Variants in ADCY8 observed in about 807,000 individuals in gnomAD.
The protein encoded by ADCY8 is adenylate cyclase type 8.
A neutral mutation model predicts 119.7 loss-of-function variants in ADCY8; 51 were observed. The observed-to-expected ratio is 0.43, with a 90% CI of 0.34 to 0.54. The LOEUF is 0.54. Among genes scored for constraint, ADCY8 ranks in the 20% least tolerant of loss-of-function variants. ADCY8 has a pLI of 0.03. For missense variants in ADCY8, 1,383 were observed against 1,598.8 expected (o/e 0.87, Z 2.30); for synonymous variants, 665 against 651.0 (o/e 1.02, Z -0.33).
At chr8:130,953,125 C>A (rs531494822) in intron 2 of ADCY8, among the ~76,000 whole-genome samples, 2 of 152,022 alleles carry the variant, frequency 1.3e-5, no homozygotes, top group African/African-American at 4.8e-5. Flanking sequence ...TACTTGGTTA[C>A]GTGGTTTACT....
At chr8:130,955,184 G>A (rs2130668008) in intron 2 of ADCY8, among the ~76,000 whole-genome samples, 1 of 152,308 alleles carries the variant, frequency 6.6e-6, no homozygotes, top group South Asian at 2.1e-4. Flanking sequence ...TTACTTCAGA[G>A]CTACCATCTA....
chr8:130,821,154 A>C (rs570378149), intron 13 of ADCY8, among the ~76,000 whole-genome samples, 188 bp downstream of exon 13: 42 of 152,358 alleles, frequency 2.8e-4, no homozygotes, highest in African/African-American at 9.9e-4. Flanking sequence ...CATTAAAACC[A>C]CATTGTTTAC....
intron 1 of ADCY8, among the ~76,000 whole-genome samples, chr8:131,032,587 C>T (rs1424610745): frequency 6.6e-6 from 1 of 151,978 alleles, no homozygotes; most frequent in Non-Finnish European, 1.5e-5. Flanking sequence ...CCAGAATGTG[C>T]CTGGGCCTCC....
At chr8:130,975,010 T>C (rs1238962054) in intron 2 of ADCY8, among the ~76,000 whole-genome samples, 1 of 152,124 alleles carries the variant, frequency 6.6e-6, no homozygotes, top group East Asian at 1.9e-4. Flanking sequence ...CCTATGCCCT[T>C]TATAATAAAT....
intron 2 of ADCY8, among the ~76,000 whole-genome samples, chr8:130,953,260 T>C (rs1247931708): frequency 6.6e-6 from 1 of 152,082 alleles, no homozygotes; most frequent in Non-Finnish European, 1.5e-5. Flanking sequence ...AGATAAAATT[T>C]TTCTTGGTCT....
chr8:130,977,318 C>T (rs927545758), intron 2 of ADCY8, among the ~76,000 whole-genome samples: 1 of 152,206 alleles, frequency 6.6e-6, no homozygotes, highest in East Asian at 1.9e-4. Context: ...CAGAAAATAT[C>T]AGAATCAACA....
intron 15 of ADCY8, among the ~76,000 whole-genome samples, chr8:130,788,550 A>T (rs1363304175): frequency 6.6e-6 from 1 of 152,126 alleles, no homozygotes; most frequent in Admixed American, 6.6e-5. Flanking sequence ...GAGGAATAAG[A>T]TCTGTTCTAT....
chr8:130,875,110 T>C (rs1818512583), intron 8 of ADCY8, among the ~76,000 whole-genome samples: 1 of 152,092 alleles, frequency 6.6e-6, no homozygotes, highest in African/African-American at 2.4e-5. Flanking sequence ...GATTAAAAAA[T>C]ACACACGAAA....
rs1037191805 is a variant in ADCY8 at position 130,800,949 on chromosome 8, G to A, written c.2914-377C>T. ...AAATCTTTGGGGCCTTTTAAAATGA[G>A]GGCACTAATCCCATCCAGTAGGGGT... On this transcript the variant is annotated intron_variant, in intron 14 of 17. Coordinates refer to ENST00000286355, the MANE Select transcript of ADCY8 (RefSeq NM_001115.3). Among the ~76,000 whole-genome samples the A allele has an allele frequency of 3.3e-5, 5 of 152,112 alleles. No homozygotes were observed. In the East Asian group the frequency reaches 9.6e-4, roughly 29 times the overall value.
intron 4 of ADCY8, among the ~76,000 whole-genome samples, chr8:130,940,253 C>T (rs562723392): frequency 3.0e-4 from 45 of 152,310 alleles, no homozygotes; most frequent in African/African-American, 1.1e-3. Flanking sequence ...GGGCTCCATG[C>T]TCTCTCTTGG....
intron 15 of ADCY8, among the ~76,000 whole-genome samples, chr8:130,787,411 A>G (rs1342622915): frequency 6.6e-6 from 1 of 152,210 alleles, no homozygotes; most frequent in African/African-American, 2.4e-5. Context: ...AACATTTGCT[A>G]GTCCCAGATG....
At chr8:130,956,839 T>C (rs1821443006) in intron 2 of ADCY8, among the ~76,000 whole-genome samples, 1 of 152,224 alleles carries the variant, frequency 6.6e-6, no homozygotes, top group South Asian at 2.1e-4. Context: ...CTTTGCCTGC[T>C]GCCATTCATG....
At chr8:130,894,982 C>G (rs1192673334) in intron 7 of ADCY8, among the ~76,000 whole-genome samples, 1 of 152,116 alleles carries the variant, frequency 6.6e-6, no homozygotes, top group East Asian at 1.9e-4. Context: ...TGAGAGCAAT[C>G]CTGGTGTAGC....
At position 131,039,527 on chromosome 8, in the gene ADCY8, G is replaced by T; in HGVS notation, c.807C>A (p.Asp269Glu). 1 of 1,613,846 alleles carries T rather than the reference G, an allele frequency of 6.2e-7. No individual in the cohort carries two copies. Among genetic ancestry groups the T allele is most frequent in the Admixed American group, 1.7e-5 (1 of 60,024 alleles). Residue 269 changes from aspartate (D) to glutamate (E), a missense_variant, in exon 1 of 18, where the codon GAC (aspartate) becomes GAA (glutamate). Transcript: ENST00000286355. The part of the protein sequence containing the change: ...AAGLGYGLLG[D>E]GIGYVLFTLF... The stretch of plus-strand genomic sequence containing the variant: ...GCGTGAAGAGCACGTAGCCTATGCC[G>T]TCGCCCAGGAGCCCGTAGCCGAGGC...
intron 2 of ADCY8, among the ~76,000 whole-genome samples, chr8:130,975,275 C>A (rs905207682): frequency 6.6e-6 from 1 of 152,204 alleles, no homozygotes; most frequent in Non-Finnish European, 1.5e-5. Context: ...CACCACATAT[C>A]TCTCTACCAT....
At position 130,990,485 on chromosome 8, in the gene ADCY8, A is replaced by G; in HGVS notation, c.1018T>C (p.Tyr340His). The change falls in exon 2 of 18, where the codon TAC becomes CAC. Residue 340 changes from tyrosine (Y) to histidine (H), a missense_variant. This residue lies in a region of ADCY8 where 928 missense variants were observed against 1,163.5 expected (regional missense o/e 0.80). Transcript: ENST00000286355. ...TGGCGCTGGGCCCGGTCTGACAGGT[A>G]ACTGATGAAGATTCCAGCTGTGTTC... is the stretch of plus-strand genomic sequence containing the variant. The part of the protein sequence containing the change: ...CMNTAGIFIS[Y>H]LSDRAQRQAF... The G allele has an allele frequency of 6.2e-7, 1 of 1,614,202 alleles. No homozygotes were observed. The highest frequency in any genetic ancestry group is 1.3e-5 in the African/African-American group (1 of 75,070).
chr8:130,785,260 T>C, intron 16 of ADCY8, 123 bp downstream of exon 16: 1 of 598,830 alleles, frequency 1.7e-6, no homozygotes, highest in Non-Finnish European at 2.8e-6. Context: ...TATAATCCAG[T>C]CCATTAGATT....
At chr8:130,836,218 C>T (rs992033961) in intron 12 of ADCY8, 59 bp downstream of exon 12, 26 of 1,520,486 alleles carry the variant, frequency 1.7e-5, no homozygotes, top group Admixed American at 8.2e-5. Context: ...ATTTTCCCAA[C>T]AATTCCACTT....
chr8:131,031,837 G>A (rs185765540), intron 1 of ADCY8, among the ~76,000 whole-genome samples: 2 of 152,126 alleles, frequency 1.3e-5, no homozygotes, highest in Admixed American at 1.3e-4. Context: ...GCATAAGATG[G>A]GTTCTGTTAG....
Sources: gnomAD v4.1 joint callset for allele counts (sites outside exome capture counted in the v4.1 genomes callset) on GRCh38, gnomAD v4.1.1 for gene constraint, gnomAD v4.1.1 regional missense constraint, MANE v1.5 for transcripts, NCBI Gene and HGNC (gene_info 2026-07-23, HGNC 2026-07-21) for gene names.